Variants in KCND2 observed in about 807,000 individuals in gnomAD.
KCND2 encodes A-type voltage-gated potassium channel KCND2.
A neutral mutation model predicts 54.4 loss-of-function variants in KCND2; 16 were observed. The ratio of observed to expected loss-of-function variants is 0.29; its 90% confidence interval spans 0.20 to 0.45. The LOEUF (loss-of-function observed/expected upper bound fraction) is 0.45, where lower values mean the gene tolerates loss of function less well. Among genes scored for constraint, KCND2 ranks in the 20% least tolerant of loss-of-function variants. KCND2 has a pLI of 1.00. For synonymous variants in KCND2, 317 were observed against 310.7 expected (o/e 1.02, Z -0.21); for missense variants, 486 against 824.2 (o/e 0.59, Z 5.02).
At chr7:120,616,477 T>G (rs1793026223) in intron 1 of KCND2, among the ~76,000 whole-genome samples, 5 of 152,204 alleles carry the variant, frequency 3.3e-5, no homozygotes, top group Non-Finnish European at 7.3e-5. Flanking sequence ...ATTGATCATC[T>G]CCTCAAATCA....
intron 1 of KCND2, among the ~76,000 whole-genome samples, chr7:120,466,290 C>G (rs1802367364): frequency 6.6e-6 from 1 of 152,068 alleles, no homozygotes; most frequent in South Asian, 2.1e-4. Flanking sequence ...ACAAAAGCAT[C>G]TGTTGAAAAT....
chr7:120,432,499 ACG>A (rs1028454979), intron 1 of KCND2, among the ~76,000 whole-genome samples: 48 of 135,392 alleles, frequency 3.5e-4, no homozygotes, highest in African/African-American at 1.7e-3. Context: ...ATGTGAATAC[ACG>A]CACACACACA....
At chr7:120,673,574 C>T (rs1792020022) in intron 1 of KCND2, among the ~76,000 whole-genome samples, 1 of 152,094 alleles carries the variant, frequency 6.6e-6, no homozygotes, top group Non-Finnish European at 1.5e-5. Context: ...ATCATTATTT[C>T]CCACTTAAAT....
At chr7:120,699,730 A>T (rs1792377236) in intron 1 of KCND2, among the ~76,000 whole-genome samples, 1 of 152,156 alleles carries the variant, frequency 6.6e-6, no homozygotes, top group Non-Finnish European at 1.5e-5. Context: ...AAGAAAGAAT[A>T]CTCTTGAAGG....
At chr7:120,457,147 G>T (rs1391929124) in intron 1 of KCND2, among the ~76,000 whole-genome samples, 1 of 152,172 alleles carries the variant, frequency 6.6e-6, no homozygotes, top group Admixed American at 6.5e-5. Flanking sequence ...GGATCCCCGG[G>T]CCTGGCCCAG....
At chr7:120,701,223 T>A (rs1342244848) in intron 1 of KCND2, among the ~76,000 whole-genome samples, 1 of 114,266 alleles carries the variant, frequency 8.8e-6, no homozygotes, top group East Asian at 2.6e-4. Context: ...CCTAGTTGAA[T>A]GGCTGTAATG....
At chr7:120,416,510 CAAGT>C (rs756334599) in intron 1 of KCND2, among the ~76,000 whole-genome samples, 2 of 152,118 alleles carry the variant, frequency 1.3e-5, no homozygotes, top group Admixed American at 6.6e-5. Flanking sequence ...GCTGGTTTAA[CAAGT>C]AAGTGTGTAT....
chr7:120,649,873 T>G (rs1030627939), intron 1 of KCND2, among the ~76,000 whole-genome samples: 14 of 152,330 alleles, frequency 9.2e-5, no homozygotes, highest in African/African-American at 2.6e-4. Flanking sequence ...CTTCACTTAA[T>G]AAGCTTAGTT....
intron 1 of KCND2, among the ~76,000 whole-genome samples, chr7:120,357,773 G>A (rs1330524859): frequency 1.3e-5 from 2 of 152,086 alleles, no homozygotes; most frequent in Non-Finnish European, 2.9e-5. Context: ...AGGCCTCTCT[G>A]CTTTCAGACA....
intron 1 of KCND2, among the ~76,000 whole-genome samples, chr7:120,728,334 C>T (rs1483021877): frequency 1.3e-5 from 2 of 148,512 alleles, no homozygotes; most frequent in Non-Finnish European, 3.0e-5. Context: ...TCTTGTTGCC[C>T]AGGCTGGAGT....
intron 1 of KCND2, among the ~76,000 whole-genome samples, chr7:120,714,197 A>G (rs962803208): frequency 1.3e-5 from 2 of 152,124 alleles, no homozygotes; most frequent in Non-Finnish European, 2.9e-5. Flanking sequence ...CCTAAAGTAA[A>G]CATCTTTTTA....
At chr7:120,456,038 T>C (rs1258495464) in intron 1 of KCND2, among the ~76,000 whole-genome samples, 1 of 152,168 alleles carries the variant, frequency 6.6e-6, no homozygotes, top group East Asian at 1.9e-4. Flanking sequence ...TCTATTATTG[T>C]TGATTATTAC....
chr7:120,595,460 A>AAAT lies in KCND2; in HGVS notation c.1116-137442_1116-137441insATA, dbSNP rs1418247126. ...AGTGAGACTGTGCCACCAAAAAAAA[A>AAAT]ATATATATATATATATATATGTGTA... On this transcript the variant is annotated intron_variant, in intron 1 of 5. Coordinates refer to ENST00000331113, the MANE Select transcript of KCND2 (RefSeq NM_012281.3). Among the ~76,000 whole-genome samples, 1,097 of 112,952 alleles carry AAAT rather than the reference A, an allele frequency of 9.7e-3. 17 individuals carry two copies. Among genetic ancestry groups the AAAT allele is most frequent in the African/African-American group, 0.032 (1,020 of 31,918 alleles). 74.1% of individuals were successfully genotyped at this position (112,952 alleles called of 152,430 possible). A position where few individuals can be genotyped will look rare whatever the true frequency, so the allele number is the denominator to read the frequency against.
intron 1 of KCND2, among the ~76,000 whole-genome samples, chr7:120,725,718 T>C (rs754906456): frequency 4.9e-4 from 74 of 152,352 alleles, no homozygotes; most frequent in South Asian, 1.0e-3. Context: ...TCAGACTCTT[T>C]ATGTTGACAA....
At chr7:120,527,901 AG>A (rs762727042) in intron 1 of KCND2, among the ~76,000 whole-genome samples, 13 of 152,164 alleles carry the variant, frequency 8.5e-5, no homozygotes, top group Non-Finnish European at 1.9e-4. Flanking sequence ...ATAGATCCCT[AG>A]GAACAGACAG....
chr7:120,488,725 T>C (rs1802729374), intron 1 of KCND2, among the ~76,000 whole-genome samples: 1 of 152,120 alleles, frequency 6.6e-6, no homozygotes. Context: ...AATACATCCT[T>C]TCCTGAATTG....
At chr7:120,605,737 C>A (rs1423433285) in intron 1 of KCND2, among the ~76,000 whole-genome samples, 1 of 152,174 alleles carries the variant, frequency 6.6e-6, no homozygotes, top group South Asian at 2.1e-4. Context: ...TTGTTATTAT[C>A]TATCTTTTTG....
At chr7:120,581,906 G>C (rs1476175982) in intron 1 of KCND2, among the ~76,000 whole-genome samples, 1 of 151,906 alleles carries the variant, frequency 6.6e-6, no homozygotes, top group Non-Finnish European at 1.5e-5. Flanking sequence ...TAGAGACAGG[G>C]TTTCACCATG....
At chr7:120,345,418 T>A (rs1263211041) in intron 1 of KCND2, among the ~76,000 whole-genome samples, 2 of 152,200 alleles carry the variant, frequency 1.3e-5, no homozygotes, top group Non-Finnish European at 2.9e-5. Context: ...AACATCTATG[T>A]AGCATAAAAT....
Sources: allele counts gnomAD v4.1 joint callset (sites outside exome capture counted in the v4.1 genomes callset), GRCh38; gene constraint gnomAD v4.1.1; transcripts MANE v1.5; gene names NCBI Gene and HGNC (gene_info 2026-07-23, HGNC 2026-07-21).